Variants in INPP4B observed in about 807,000 individuals in gnomAD.
INPP4B encodes the protein inositol polyphosphate 4-phosphatase type II.
INPP4B carries 55 observed loss-of-function variants against 122.5 expected under a neutral mutation model. The ratio of observed to expected loss-of-function variants is 0.45; its 90% CI spans 0.36 to 0.56. The LOEUF (loss-of-function observed/expected upper bound fraction) is 0.56, where lower values mean the gene tolerates loss of function less well. Ranked by LOEUF, INPP4B falls within the 20% of genes least tolerant of loss-of-function variation. INPP4B has a pLI of 0.00. For synonymous variants in INPP4B, 403 were observed against 388.7 expected (o/e 1.04, Z -0.43); for missense variants, 1,000 against 1,097.7 (o/e 0.91, Z 1.26).
At chr4:142,377,967 AATCTT>A (rs1792628115) in intron 7 of INPP4B, among the ~76,000 whole-genome samples, 3 of 152,260 alleles carry the variant, frequency 2.0e-5, no homozygotes, top group African/African-American at 7.2e-5. Flanking sequence ...CAAACTGCTA[AATCTT>A]ATCTTGGAAA....
At chr4:142,695,098 A>G (rs2150738130) in intron 2 of INPP4B, among the ~76,000 whole-genome samples, 1 of 152,198 alleles carries the variant, frequency 6.6e-6, no homozygotes, top group African/African-American at 2.4e-5. Flanking sequence ...TTTTTTTAGT[A>G]TTAACACTTA....
At chr4:142,204,361 C>T (rs1327668626) in intron 14 of INPP4B, among the ~76,000 whole-genome samples, 17 of 152,046 alleles carry the variant, frequency 1.1e-4, no homozygotes, top group Admixed American at 1.1e-3. Flanking sequence ...TAGCCTTTTC[C>T]CATATTTTCT....
intron 2 of INPP4B, among the ~76,000 whole-genome samples, chr4:142,634,603 T>A (rs1438598559): frequency 1.3e-5 from 2 of 152,184 alleles, no homozygotes; most frequent in Non-Finnish European, 2.9e-5. Context: ...TCTCCATATA[T>A]ATTAAAACAT....
At chr4:142,353,316 G>T (rs560167224) in intron 7 of INPP4B, among the ~76,000 whole-genome samples, 1 of 151,942 alleles carries the variant, frequency 6.6e-6, no homozygotes, top group South Asian at 2.1e-4. Context: ...GCCTCTAGGG[G>T]GAGCGCTAGG....
chr4:142,231,432 T>G (rs2149849759), intron 12 of INPP4B, among the ~76,000 whole-genome samples: 1 of 152,360 alleles, frequency 6.6e-6, no homozygotes, highest in East Asian at 1.9e-4. Context: ...ACTTTAGATG[T>G]GTGAAAGTTA....
intron 21 of INPP4B, among the ~76,000 whole-genome samples, chr4:142,115,277 C>G (rs1792518386): frequency 6.6e-6 from 1 of 152,124 alleles, no homozygotes; most frequent in Non-Finnish European, 1.5e-5. Flanking sequence ...TCTAGCAAGG[C>G]AGGCCAACAT....
At chr4:142,641,871 C>T (rs1464947737) in intron 2 of INPP4B, among the ~76,000 whole-genome samples, 1 of 152,076 alleles carries the variant, frequency 6.6e-6, no homozygotes, top group African/African-American at 2.4e-5. Context: ...TGAACTAGTT[C>T]ACAGTCCCAC....
intron 9 of INPP4B, 150 bp from the exon 10 acceptor site, chr4:142,270,924 G>T: frequency 1.6e-6 from 1 of 620,350 alleles, no homozygotes; most frequent in Non-Finnish European, 2.9e-6. Flanking sequence ...ATGTTAATAG[G>T]GTAGGTGTTT....
chr4:142,613,352 C>T (rs955125482), intron 2 of INPP4B, among the ~76,000 whole-genome samples: 1 of 152,054 alleles, frequency 6.6e-6, no homozygotes, highest in African/African-American at 2.4e-5. Context: ...ATGAAGATAA[C>T]AAATGCATGC....
At chr4:142,841,129 T>C (rs1783431129) in intron 1 of INPP4B, among the ~76,000 whole-genome samples, 1 of 152,038 alleles carries the variant, frequency 6.6e-6, no homozygotes, top group Non-Finnish European at 1.5e-5. Context: ...CTAAGTGGAA[T>C]ATGTGGTTAT....
Position 142,091,583 on chromosome 4 carries a change from C to T in INPP4B, c.2375-5327G>A, listed in dbSNP as rs116473844. On this transcript the variant is annotated intron_variant, in intron 23 of 25. Transcript: ENST00000262992. Reference sequence around the variant, plus strand: ...AAGTAAGAAACAGTCTCCTCACACACGTGCAGTCACACACCCCAGTCACAA... The same window carrying T: ...AAGTAAGAAACAGTCTCCTCACACATGTGCAGTCACACACCCCAGTCACAA... Among the ~76,000 whole-genome samples, 1,478 of 152,276 alleles carry T rather than the reference C, an allele frequency of 9.7e-3. 26 individuals are homozygous for T. Among genetic ancestry groups the T allele is most frequent in the African/African-American group, 0.033 (1,367 of 41,558 alleles).
chr4:142,321,556 T>G lies in INPP4B; in HGVS notation c.373-6794A>C, dbSNP rs551021322. On this transcript the variant is annotated intron_variant, in intron 7 of 25. Transcript: ENST00000262992. ...ATGTTATCTTCTAGAATTTTTATGA[T>G]TTCAGGTCTTAGATTTAAGTCTTTG... Among the ~76,000 whole-genome samples, 331 of 152,310 alleles carry G rather than the reference T, an allele frequency of 2.2e-3. 3 individuals carry two copies. The highest frequency in any genetic ancestry group is 6.8e-3 in the African/African-American group (282 of 41,570).
intron 2 of INPP4B, among the ~76,000 whole-genome samples, chr4:142,546,841 C>A (rs916347143): frequency 1.3e-5 from 2 of 152,008 alleles, no homozygotes; most frequent in Non-Finnish European, 2.9e-5. Context: ...CTAACTTTCC[C>A]ATTTATAAAA....
chr4:142,483,449 G>A (rs1185506031), intron 2 of INPP4B, among the ~76,000 whole-genome samples: 2 of 151,988 alleles, frequency 1.3e-5, no homozygotes, highest in Admixed American at 6.6e-5. Context: ...ACTAATGGAC[G>A]AAAGGGGCAG....
chr4:142,078,851 T>C (rs966143385), intron 25 of INPP4B, among the ~76,000 whole-genome samples: 1 of 151,970 alleles, frequency 6.6e-6, no homozygotes, highest in African/African-American at 2.4e-5. Context: ...TGGAAGGTGA[T>C]TGGAGTAATT....
At chr4:142,623,902 C>T (rs1218724460) in intron 2 of INPP4B, among the ~76,000 whole-genome samples, 4 of 152,040 alleles carry the variant, frequency 2.6e-5, no homozygotes, top group Non-Finnish European at 5.9e-5. Context: ...ATGAACTCAT[C>T]ATTTTTTATG....
intron 2 of INPP4B, among the ~76,000 whole-genome samples, chr4:142,716,156 T>G (rs1430801184): frequency 1.3e-5 from 2 of 152,178 alleles, no homozygotes; most frequent in East Asian, 1.9e-4. Context: ...AAAATAGTCC[T>G]CACCTCTTGA....
At chr4:142,212,849 C>T (rs1845491427) in intron 12 of INPP4B, among the ~76,000 whole-genome samples, 1 of 152,114 alleles carries the variant, frequency 6.6e-6, no homozygotes, top group South Asian at 2.1e-4. Context: ...CTGTTGAGTC[C>T]TGGGTATGAT....
intron 25 of INPP4B, among the ~76,000 whole-genome samples, chr4:142,070,202 A>G (rs75823080): frequency 6.6e-6 from 1 of 152,218 alleles, no homozygotes; most frequent in African/African-American, 2.4e-5. Context: ...TAATAAATGT[A>G]ATCCATCATA....
Sources: allele counts gnomAD v4.1 joint callset (sites outside exome capture counted in the v4.1 genomes callset), GRCh38; gene constraint gnomAD v4.1.1; transcripts MANE v1.5; gene names NCBI Gene and HGNC (gene_info 2026-07-23, HGNC 2026-07-21).